The following CMSS1 variants were observed in gnomAD, a reference collection of about 807,000 sequenced individuals.
CMSS1 encodes the protein cms1 ribosomal small subunit homolog.
In CMSS1, 33 loss-of-function variants were observed where a neutral mutation model predicts 43.5. The ratio of observed to expected loss-of-function variants is 0.76; its 90% confidence interval spans 0.57 to 1.01. The LOEUF is 1.01. Ranked by LOEUF, CMSS1 falls within the 50% of genes least tolerant of loss-of-function variation. The pLI is 0.00. For missense variants in CMSS1, 313 were observed against 326.4 expected (o/e 0.96, Z 0.32); for synonymous variants, 115 against 117.2 (o/e 0.98, Z 0.12).
Position 100,005,182 on chromosome 3 carries a change from C to G in CMSS1, c.65-141791C>G, listed in dbSNP as rs936994087. Among the ~76,000 whole-genome samples, 4 of 152,184 alleles carry G rather than the reference C, an allele frequency of 2.6e-5. No homozygotes were observed. The East Asian group carries it at 5.8e-4, about 22-fold the overall frequency. ...ACAACCAGGAAACCTCCCTTTCTTT[C>G]CTGTATTTGTATAGCACCTTGTATT... On this transcript the variant is annotated intron_variant, in intron 1 of 9. Transcript: ENST00000421999.
chr3:100,086,645 G>T (rs1192335806), intron 1 of CMSS1, among the ~76,000 whole-genome samples: 1 of 152,024 alleles, frequency 6.6e-6, no homozygotes, highest in Admixed American at 6.6e-5. Context: ...TTAGTGTAGA[G>T]CCTCTTTAAA....
intron 1 of CMSS1, among the ~76,000 whole-genome samples, chr3:99,914,425 A>G (rs1165825830): frequency 6.6e-6 from 1 of 152,182 alleles, no homozygotes; most frequent in East Asian, 1.9e-4. Flanking sequence ...TGTGTTTTTG[A>G]TATGTTAGAT....
chr3:99,983,438 A>G (rs1413935915), intron 1 of CMSS1, among the ~76,000 whole-genome samples: 56 of 50,626 alleles, frequency 1.1e-3, no homozygotes, highest in African/African-American at 3.2e-3. Flanking sequence ...GTATGTATAT[A>G]TATGTATGTA....
chr3:100,028,934 T>A (rs868149172), intron 1 of CMSS1, among the ~76,000 whole-genome samples: 3 of 152,270 alleles, frequency 2.0e-5, no homozygotes, highest in Middle Eastern at 3.4e-3. Flanking sequence ...CATAAACATA[T>A]ACATATATAT....
chr3:100,015,869 G>A (rs372429424), intron 1 of CMSS1, among the ~76,000 whole-genome samples: 4 of 152,214 alleles, frequency 2.6e-5, no homozygotes, highest in South Asian at 2.1e-4. Flanking sequence ...ATAATGAGGC[G>A]ATGTATATAT....
chr3:99,824,813 A>G (rs1233074803), intron 1 of CMSS1, among the ~76,000 whole-genome samples: 1 of 152,204 alleles, frequency 6.6e-6, no homozygotes, highest in Non-Finnish European at 1.5e-5. Flanking sequence ...TAAGCCTGTA[A>G]TTTTTACTGG....
rs556567761 is a variant in CMSS1 at position 99,993,000 on chromosome 3, TC to T, written c.65-153972del. ...GGTATGCGGCCGTATTTCTGGGTTC[TC>T]TCTTCTGTTCCATTGATCTGTGTAA... On this transcript the variant is annotated intron_variant, in intron 1 of 9. Coordinates refer to ENST00000421999, the MANE Select transcript of CMSS1 (RefSeq NM_032359.4). Among the ~76,000 whole-genome samples, 276 of 152,276 alleles carry T rather than the reference TC, an allele frequency of 1.8e-3. 1 individual carries two copies. Among genetic ancestry groups the T allele is most frequent in the Admixed American group, 4.9e-3 (75 of 15,292 alleles).
chr3:100,012,906 T>C lies in CMSS1; in HGVS notation c.65-134067T>C, dbSNP rs1710202819. 2.0e-5 allele frequency among the ~76,000 whole-genome samples: 3 copies of C among 151,992 alleles called. No homozygotes were observed. In the South Asian group the frequency reaches 6.2e-4, roughly 32 times the overall value. ...CTCCCATCTCAGCCTCCTAAGTAGC[T>C]AGGATTACAGACTGTGCCACCACAC... On this transcript the variant is annotated intron_variant, in intron 1 of 9. Coordinates refer to ENST00000421999, the MANE Select transcript of CMSS1 (RefSeq NM_032359.4).
At chr3:99,846,061 T>C (rs747869864) in intron 1 of CMSS1, among the ~76,000 whole-genome samples, 1 of 152,188 alleles carries the variant, frequency 6.6e-6, no homozygotes, top group Non-Finnish European at 1.5e-5. Flanking sequence ...AGAAATTGAA[T>C]CCTTTCAAAA....
intron 1 of CMSS1, among the ~76,000 whole-genome samples, chr3:100,146,557 GA>G (rs1465883290): frequency 1.3e-5 from 2 of 152,162 alleles, no homozygotes; most frequent in African/African-American, 2.4e-5. Flanking sequence ...TATATTGTAA[GA>G]ATTAAATTAA....
intron 1 of CMSS1, among the ~76,000 whole-genome samples, chr3:100,033,378 T>C (rs1236137774): frequency 1.3e-5 from 2 of 152,188 alleles, no homozygotes; most frequent in African/African-American, 2.4e-5. Flanking sequence ...CAGCTGCAGC[T>C]CTGGAAGGCT....
At chr3:99,892,710 A>G (rs1378562685) in intron 1 of CMSS1, among the ~76,000 whole-genome samples, 1 of 151,940 alleles carries the variant, frequency 6.6e-6, no homozygotes, top group Non-Finnish European at 1.5e-5. Context: ...ACTCTCCCCC[A>G]ATTCCTTACT....
intron 1 of CMSS1, chr3:99,851,032 T>C: frequency 6.2e-7 from 1 of 1,601,388 alleles, no homozygotes; most frequent in Non-Finnish European, 8.5e-7. Flanking sequence ...CTCCTTCTCC[T>C]CCTGAGACTT....
chr3:100,045,020 C>T (rs2065257274), intron 1 of CMSS1, among the ~76,000 whole-genome samples: 1 of 152,200 alleles, frequency 6.6e-6, no homozygotes, highest in South Asian at 2.1e-4. Context: ...AGATCCTAAG[C>T]TCAGTTTGGA....
chr3:100,070,014 C>T (rs1462335987), intron 1 of CMSS1, among the ~76,000 whole-genome samples: 2 of 151,774 alleles, frequency 1.3e-5, no homozygotes, highest in African/African-American at 2.4e-5. Flanking sequence ...TTGTTTGATC[C>T]TCAAATAAAA....
intron 1 of CMSS1, chr3:100,011,632 C>G (rs1229535369): frequency 6.6e-6 from 1 of 152,166 alleles, no homozygotes; most frequent in Non-Finnish European, 1.5e-5. Flanking sequence ...TTGGATGAAG[C>G]AGTGGATAGG....
At chr3:100,130,512 G>A (rs892298750) in intron 1 of CMSS1, among the ~76,000 whole-genome samples, 6 of 152,168 alleles carry the variant, frequency 3.9e-5, no homozygotes, top group Non-Finnish European at 8.8e-5. Flanking sequence ...AACATACAAG[G>A]ATGAAAGGAC....
intron 1 of CMSS1, chr3:99,848,425 G>A (rs1481585810): frequency 1.2e-6 from 2 of 1,614,082 alleles, no homozygotes; most frequent in African/African-American, 2.7e-5. Flanking sequence ...CAGTGGTGCT[G>A]AAGGGCTGGC....
At chr3:99,983,700 A>C (rs1709242734) in intron 1 of CMSS1, among the ~76,000 whole-genome samples, 1 of 150,240 alleles carries the variant, frequency 6.7e-6, no homozygotes, top group Admixed American at 6.7e-5. Context: ...AAAAAAAAAA[A>C]AAAGAAATGA....
Sources: allele counts gnomAD v4.1 joint callset (sites outside exome capture counted in the v4.1 genomes callset), GRCh38; gene constraint gnomAD v4.1.1; transcripts MANE v1.5; gene names NCBI Gene and HGNC (gene_info 2026-07-23, HGNC 2026-07-21).